The following EPHB2 variants were observed in gnomAD, a reference collection of about 807,000 sequenced individuals.
EPHB2 encodes the protein EPH receptor B2.
Under a neutral mutation model 96.4 loss-of-function variants are expected in EPHB2, and 18 were observed. The ratio of observed to expected loss-of-function variants is 0.19; its 90% CI spans 0.13 to 0.28. The LOEUF is 0.28. EPHB2 is among the 10% of genes least tolerant of loss of function. The pLI is 1.00. For synonymous variants in EPHB2, 506 were observed against 534.1 expected, an observed-to-expected ratio of 0.95 and a Z score of 0.72; for missense variants, 989 against 1,355.4, an observed-to-expected ratio of 0.73 and a Z score of 4.25.
At chr1:22,872,535 A>G (rs1346435704) in intron 5 of EPHB2, among the ~76,000 whole-genome samples, 1 of 152,184 alleles carries the variant, frequency 6.6e-6, no homozygotes, top group African/African-American at 2.4e-5. Context: ...ACCTACATCA[A>G]ATTACAACTC....
chr1:22,728,980 G>A (rs1260283287), intron 1 of EPHB2, among the ~76,000 whole-genome samples: 2 of 152,226 alleles, frequency 1.3e-5, no homozygotes, highest in African/African-American at 4.8e-5. Flanking sequence ...GGCGGGCCAG[G>A]CTGCCGTTCT....
At chr1:22,711,161 C>A (rs1193083274) in intron 1 of EPHB2, 118 bp downstream of exon 1, 1 of 145,236 alleles carries the variant, frequency 6.9e-6, no homozygotes, top group Non-Finnish European at 1.5e-5. Flanking sequence ...CGGCGCCGGG[C>A]GCAGGTGGCC....
intron 3 of EPHB2, among the ~76,000 whole-genome samples, chr1:22,822,555 G>A (rs1645166752): frequency 6.6e-6 from 1 of 152,212 alleles, no homozygotes; most frequent in African/African-American, 2.4e-5. Context: ...TCTTCCTTGG[G>A]AATGTCTGGT....
At chr1:22,855,294 A>G (rs1405931156) in intron 3 of EPHB2, among the ~76,000 whole-genome samples, 4 of 152,104 alleles carry the variant, frequency 2.6e-5, no homozygotes, top group East Asian at 3.8e-4. Context: ...CCTCTCCCCA[A>G]CTGAAACCCA....
intron 3 of EPHB2, among the ~76,000 whole-genome samples, chr1:22,833,352 C>G (rs560330039): frequency 1.3e-4 from 20 of 152,096 alleles, no homozygotes; most frequent in African/African-American, 4.6e-4. Flanking sequence ...ACTCCTGACC[C>G]CATGATCTAG....
intron 5 of EPHB2, among the ~76,000 whole-genome samples, chr1:22,873,575 T>C (rs538133518): frequency 1.3e-5 from 2 of 152,218 alleles, no homozygotes; most frequent in Non-Finnish European, 2.9e-5. Context: ...GGGTGATTAA[T>C]ACAACTGGTC....
At chr1:22,715,399 C>A (rs758995861) in intron 1 of EPHB2, among the ~76,000 whole-genome samples, 5 of 152,078 alleles carry the variant, frequency 3.3e-5, no homozygotes, top group African/African-American at 4.8e-5. Flanking sequence ...GTGGGGGAAG[C>A]CTGCCTCCCT....
chr1:22,780,049 G>A (rs901226902), intron 1 of EPHB2, among the ~76,000 whole-genome samples: 2 of 152,178 alleles, frequency 1.3e-5, no homozygotes, highest in Admixed American at 1.3e-4. Context: ...TGCTAGCCAC[G>A]GTTTTCTCTC....
At chr1:22,776,057 T>C (rs559921945) in intron 1 of EPHB2, among the ~76,000 whole-genome samples, 4 of 152,246 alleles carry the variant, frequency 2.6e-5, no homozygotes, top group South Asian at 4.1e-4. Context: ...CAGAGGGGCC[T>C]CAGAGAGCTG....
chr1:22,792,520 T>C (rs984055206), intron 3 of EPHB2, among the ~76,000 whole-genome samples: 4 of 152,066 alleles, frequency 2.6e-5, no homozygotes, highest in African/African-American at 4.8e-5. Flanking sequence ...CTCTTAAAAA[T>C]AGGAAAAATT....
At chr1:22,905,958 A>T (rs776942606) in intron 9 of EPHB2, 29 bp from the exon 10 acceptor site, 6 of 1,614,158 alleles carry the variant, frequency 3.7e-6, no homozygotes, top group Non-Finnish European at 5.1e-6. Context: ...GAGTCAGTCC[A>T]TATGACAGAG....
intron 3 of EPHB2, among the ~76,000 whole-genome samples, chr1:22,839,600 T>C (rs75059297): frequency 0.029 from 4,384 of 152,136 alleles, 90 homozygotes; most frequent in Non-Finnish European, 0.045. Flanking sequence ...GGGTGGTGGT[T>C]AAGGAAGGCT....
rs192164820 is a variant in EPHB2 at position 22,759,127 on chromosome 1, C to T, written c.62-22294C>T. Reference sequence around the variant, plus strand: ...CCCTCCTCAGGTCTTTGCACTTGCTCCTTCCTCTCGGAACATTTTCCCCAG... The same window carrying T: ...CCCTCCTCAGGTCTTTGCACTTGCTTCTTCCTCTCGGAACATTTTCCCCAG... On this transcript the variant is annotated intron_variant, in intron 1 of 15. Coordinates refer to ENST00000374630, the MANE Select transcript of EPHB2 (RefSeq NM_017449.5). Among the ~76,000 whole-genome samples the T allele has an allele frequency of 5.0e-3, 755 of 152,258 alleles. 7 individuals are homozygous for T. Among genetic ancestry groups the T allele is most frequent in the African/African-American group, 0.018 (727 of 41,542 alleles).
intron 3 of EPHB2, among the ~76,000 whole-genome samples, chr1:22,857,103 A>G (rs776021840): frequency 6.6e-6 from 1 of 152,196 alleles, no homozygotes; most frequent in Admixed American, 6.5e-5. Flanking sequence ...ATCACGTGCC[A>G]TGTAAGTCCA....
rs1413500351 is a variant in EPHB2, at chr1:22,858,577, T to C, written c.812-4460T>C. On this transcript the variant is annotated intron_variant, in intron 3 of 15. Transcript: ENST00000374630. This position sits in a 1 kb window ranked among gnomAD's most constrained non-coding sequence, Gnocchi z 7.7. ...TACAACTGCCTTCCTGTGTTTCAGG[T>C]CTCATTGTCTTCTTCCCACTTCTGC... Among the ~76,000 whole-genome samples, 3 of 152,158 alleles carry C rather than the reference T, an allele frequency of 2.0e-5. No individual in the cohort carries two copies. The highest frequency in any genetic ancestry group is 3.4e-3 in the Middle Eastern group (1 of 294).
intron 7 of EPHB2, among the ~76,000 whole-genome samples, chr1:22,894,399 A>G (rs309469): frequency 0.055 from 8,402 of 152,098 alleles, 759 homozygotes; most frequent in African/African-American, 0.19. Context: ...GGAGTTCGAG[A>G]CCAGCCTGGC....
chr1:22,796,756 G>C (rs560314474), intron 3 of EPHB2, among the ~76,000 whole-genome samples: 1 of 152,224 alleles, frequency 6.6e-6, no homozygotes, highest in Non-Finnish European at 1.5e-5. Context: ...GAGGAGGCAG[G>C]CACAGGCTCT....
intron 1 of EPHB2, among the ~76,000 whole-genome samples, chr1:22,715,494 C>T (rs1006907930): frequency 1.3e-4 from 20 of 152,280 alleles, no homozygotes; most frequent in African/African-American, 4.8e-4. Flanking sequence ...ACCCAGCGAC[C>T]TTCCATGGGA....
chr1:22,748,856 T>C (rs1319341230), intron 1 of EPHB2, among the ~76,000 whole-genome samples: 1 of 149,618 alleles, frequency 6.7e-6, no homozygotes, highest in Non-Finnish European at 1.5e-5. Flanking sequence ...ATTGTGGTTT[T>C]TGCCTTTGAA....
Sources: allele counts gnomAD v4.1 joint callset (sites outside exome capture counted in the v4.1 genomes callset), GRCh38; gene constraint gnomAD v4.1.1; non-coding constraint Gnocchi (gnomAD v3.1); transcripts MANE v1.5; gene names NCBI Gene and HGNC (gene_info 2026-07-23, HGNC 2026-07-21).